The following TENM3 variants were observed in gnomAD, a reference collection of about 807,000 sequenced individuals.
TENM3 encodes the protein teneurin-3.
TENM3 carries 63 observed loss-of-function variants against 255.1 expected under a neutral mutation model. That is an observed-to-expected ratio of 0.25 (90% CI 0.20 to 0.30). The LOEUF (loss-of-function observed/expected upper bound fraction) is 0.30. Ranked by LOEUF, TENM3 falls within the 10% of genes least tolerant of loss-of-function variation. TENM3 has a pLI of 1.00. For synonymous variants in TENM3, 1,306 were observed against 1,322.3 expected (o/e 0.99, Z 0.27); for missense variants, 2,929 against 3,461.1 (o/e 0.85, Z 3.86).
At chr4:181,999,132 A>G in the TENM3 span, among the ~76,000 whole-genome samples, 1 of 152,034 alleles carries the variant, frequency 6.6e-6, no homozygotes, top group Non-Finnish European at 1.5e-5. Flanking sequence ...CAATTGCCAG[A>G]TTTTCCTGGC....
chr4:182,690,859 G>C (rs887302871), intron 12 of TENM3, among the ~76,000 whole-genome samples: 1 of 152,156 alleles, frequency 6.6e-6, no homozygotes, highest in Non-Finnish European at 1.5e-5. Context: ...CCCTGCAATA[G>C]TTCTTAACAA....
chr4:182,458,851 A>G (rs1170774631), intron 3 of TENM3, among the ~76,000 whole-genome samples: 1 of 152,184 alleles, frequency 6.6e-6, no homozygotes, highest in East Asian at 1.9e-4. Flanking sequence ...CTTACTCACC[A>G]GCTTCCAGGG....
rs527267822 is a variant in TENM3, at chr4:182,799,866, T to G, written c.7615T>G (p.Phe2539Val). The G allele has an allele frequency of 3.4e-5, 54 of 1,611,180 alleles. No homozygotes were observed. The South Asian group carries it at 5.9e-4, about 17-fold the overall frequency. Residue 2539 changes from phenylalanine (F) to valine (V), a missense_variant, in exon 28 of 28, where the codon TTC (phenylalanine) becomes GTC (valine). Phe to Val is a conservative substitution (Grantham distance 50). This residue lies in a region of TENM3 where 476 missense variants were observed against 480.1 expected (regional missense o/e 0.99). Transcript: ENST00000511685. This position sits in a 1 kb window ranked among gnomAD's most constrained non-coding sequence, Gnocchi z 4.2. ...NNAFYLENLH[F>V]TIEGKDTHYF... is the part of the protein sequence containing the mutation. ...CGCCTTCTACCTGGAGAACCTGCAC[T>G]TCACCATCGAGGGCAAGGACACGCA...
chr4:181,576,845 C>T, the TENM3 span, among the ~76,000 whole-genome samples: 1 of 130,234 alleles, frequency 7.7e-6, no homozygotes, highest in Non-Finnish European at 1.6e-5. Context: ...CGGAGTTCCA[C>T]TCTTATTGCC....
At chr4:182,076,307 C>T in the TENM3 span, among the ~76,000 whole-genome samples, 12 of 150,064 alleles carry the variant, frequency 8.0e-5, no homozygotes, top group East Asian at 4.0e-4. Context: ...TGGGTTCAAG[C>T]GATTCTCTTG....
chr4:181,596,060 A>G, the TENM3 span, among the ~76,000 whole-genome samples: 1 of 152,194 alleles, frequency 6.6e-6, no homozygotes, highest in Non-Finnish European at 1.5e-5. Flanking sequence ...CCTTGAAGAT[A>G]GGGGCTTTGT....
chr4:181,522,925 C>T, the TENM3 span: 9 of 862,712 alleles, frequency 1.0e-5, no homozygotes, highest in African/African-American at 1.5e-4. Flanking sequence ...CTGGTTATTT[C>T]CAGAAAGAAG....
the TENM3 span, among the ~76,000 whole-genome samples, chr4:181,596,615 T>C: frequency 1.3e-5 from 2 of 152,046 alleles, no homozygotes; most frequent in Non-Finnish European, 2.9e-5. Flanking sequence ...AAAAGAACTA[T>C]TTAAAAAAAA....
intron 1 of TENM3, among the ~76,000 whole-genome samples, chr4:182,265,278 G>A (rs192503284): frequency 5.3e-4 from 80 of 152,296 alleles, no homozygotes; most frequent in African/African-American, 1.9e-3. Flanking sequence ...GCTAATAGTA[G>A]TGATAGAGGG....
chr4:181,739,494 A>G, the TENM3 span, among the ~76,000 whole-genome samples: 2 of 152,190 alleles, frequency 1.3e-5, no homozygotes, highest in African/African-American at 4.8e-5. Context: ...TAGGTAGAAA[A>G]ATGGCTCTGC....
chr4:182,615,065 A>ATT (rs1373831981), intron 4 of TENM3, among the ~76,000 whole-genome samples: 2,853 of 119,740 alleles, frequency 0.024, 49 homozygotes, highest in South Asian at 0.035. Context: ...ATATATATAT[A>ATT]TGTATTTTTT....
At position 182,628,788 on chromosome 4, in the gene TENM3, T is replaced by G. The variant is rs1446545796; in HGVS notation, c.887T>G (p.Phe296Cys). 3 of 1,610,892 alleles carry G rather than the reference T, an allele frequency of 1.9e-6. No homozygotes were observed. The highest frequency in any genetic ancestry group is 2.2e-5 in the East Asian group (1 of 44,824). Reference protein sequence around the residue: ...LPRNTLSRSAFKFKKSSKYCS... With the variant: ...LPRNTLSRSACKFKKSSKYCS... ...AGAAACACCCTATCAAGAAGTGCTTTTAAATTCAAGAAGTCTTCAAAGTAC... is the reference window on the plus strand; with the variant it reads ...AGAAACACCCTATCAAGAAGTGCTTGTAAATTCAAGAAGTCTTCAAAGTAC... Residue 296 changes from phenylalanine to cysteine, a missense_variant, in exon 5 of 28, where the codon TTT becomes TGT. By Grantham distance (205) the Phe-to-Cys change is radical. Coordinates refer to ENST00000511685, the MANE Select transcript of TENM3 (RefSeq NM_001080477.4).
chr4:181,474,554 T>G, the TENM3 span, among the ~76,000 whole-genome samples: 1 of 151,768 alleles, frequency 6.6e-6, no homozygotes, highest in Non-Finnish European at 1.5e-5. Flanking sequence ...GCCAACATAG[T>G]GAAACGCCAT....
chr4:182,199,967 T>G (rs901586627), intron 1 of TENM3, among the ~76,000 whole-genome samples: 2 of 152,136 alleles, frequency 1.3e-5, no homozygotes, highest in Non-Finnish European at 2.9e-5. Context: ...GTTCAAGTGA[T>G]CTGCCTGCCT....
the TENM3 span, among the ~76,000 whole-genome samples, chr4:182,074,103 A>G: frequency 6.6e-6 from 1 of 152,232 alleles, no homozygotes; most frequent in African/African-American, 2.4e-5. Context: ...CAGCTCTGTT[A>G]TAGGCTGCTT....
At chr4:181,690,472 A>AT in the TENM3 span, among the ~76,000 whole-genome samples, 10 of 152,176 alleles carry the variant, frequency 6.6e-5, no homozygotes, top group Non-Finnish European at 1.3e-4. Flanking sequence ...GTAGGCAAGG[A>AT]TTTTTTTAAT....
chr4:181,879,381 T>C, the TENM3 span, among the ~76,000 whole-genome samples: 1 of 152,038 alleles, frequency 6.6e-6, no homozygotes, highest in Non-Finnish European at 1.5e-5. Flanking sequence ...TCCAACCACA[T>C]TTAAAATGTT....
chr4:181,700,381 T>A, the TENM3 span, among the ~76,000 whole-genome samples: 1 of 152,178 alleles, frequency 6.6e-6, no homozygotes, highest in Non-Finnish European at 1.5e-5. Context: ...TTGTAAATAC[T>A]ACTGATCCAA....
At chr4:182,660,053 A>G (rs773607738) in intron 6 of TENM3, among the ~76,000 whole-genome samples, 9 of 151,790 alleles carry the variant, frequency 5.9e-5, no homozygotes, top group Non-Finnish European at 1.0e-4. Context: ...TTGGTCTTGA[A>G]TATTCAATGC....
Sources: allele counts gnomAD v4.1 joint callset (sites outside exome capture counted in the v4.1 genomes callset), GRCh38; gene constraint gnomAD v4.1.1; regional missense constraint gnomAD v4.1.1; non-coding constraint Gnocchi (gnomAD v3.1); transcripts MANE v1.5; gene names NCBI Gene and HGNC (gene_info 2026-07-23, HGNC 2026-07-21).